Variants in FAM193A observed in about 807,000 individuals in gnomAD.
The protein encoded by FAM193A is family with sequence similarity 193 member A.
In FAM193A, 22 loss-of-function variants were observed where a neutral mutation model predicts 126.5. The ratio of observed to expected loss-of-function variants is 0.17; its 90% CI spans 0.12 to 0.25. The LOEUF (loss-of-function observed/expected upper bound fraction) is 0.25, where lower values mean the gene tolerates loss of function less well. Ranked by LOEUF, FAM193A falls within the 10% of genes least tolerant of loss-of-function variation. The pLI is 1.00. For synonymous variants in FAM193A, 761 were observed against 646.8 expected, an observed-to-expected ratio of 1.18 and a Z score of -2.68; for missense variants, 1,675 against 1,672.8, an observed-to-expected ratio of 1.00 and a Z score of -0.02.
At chr4:2,705,120 C>T (rs1237822028) in intron 19 of FAM193A, among the ~76,000 whole-genome samples, 1 of 152,148 alleles carries the variant, frequency 6.6e-6, no homozygotes, top group Admixed American at 6.6e-5. Flanking sequence ...CCGTGTTAGC[C>T]GGGATGGTCT....
At chr4:2,675,126 T>C (rs1714249575) in intron 13 of FAM193A, among the ~76,000 whole-genome samples, 1 of 152,228 alleles carries the variant, frequency 6.6e-6, no homozygotes, top group South Asian at 2.1e-4. Context: ...ATCTCTGGTT[T>C]TTTGAGTTTA....
chr4:2,721,157 C>G (rs1720097631), intron 20 of FAM193A, among the ~76,000 whole-genome samples: 1 of 151,486 alleles, frequency 6.6e-6, no homozygotes, highest in Non-Finnish European at 1.5e-5. Context: ...ACTAAAAATA[C>G]AAAAAATTAG....
chr4:2,683,527 C>T (rs1461538179), intron 13 of FAM193A, among the ~76,000 whole-genome samples: 1 of 152,208 alleles, frequency 6.6e-6, no homozygotes, highest in African/African-American at 2.4e-5. Context: ...CCCCTGACCT[C>T]AGGTGATCGC....
At chr4:2,677,909 C>T (rs1341144224) in intron 13 of FAM193A, among the ~76,000 whole-genome samples, 1 of 152,150 alleles carries the variant, frequency 6.6e-6, no homozygotes, top group African/African-American at 2.4e-5. Flanking sequence ...TACATTCTAA[C>T]AGTATTGTCT....
intron 5 of FAM193A, among the ~76,000 whole-genome samples, chr4:2,633,658 G>A (rs1743817795): frequency 6.6e-6 from 1 of 151,914 alleles, no homozygotes; most frequent in Non-Finnish European, 1.5e-5. Flanking sequence ...TTGGGAGGCC[G>A]AGGTGGTTGG....
At chr4:2,692,022 T>C (rs1340920148) in intron 15 of FAM193A, among the ~76,000 whole-genome samples, 1 of 152,168 alleles carries the variant, frequency 6.6e-6, no homozygotes, top group Non-Finnish European at 1.5e-5. Context: ...GTTTGGGGAA[T>C]GGAGTATTTC....
chr4:2,590,463 C>CAA lies in FAM193A; in HGVS notation c.256-5610_256-5609dup, dbSNP rs774897240. ...CTGGTGACAGAGCGAGACTCCATCT[C>CAA]AAAAAAAAAAAACAAAAAAAAACAA... On this transcript the variant is annotated intron_variant, in intron 1 of 20. Coordinates refer to ENST00000637812, the MANE Select transcript of FAM193A (RefSeq NM_001366318.2). 2.1e-3 allele frequency among the ~76,000 whole-genome samples: 29 copies of CAA among 13,558 alleles called. 1 individual carries two copies. The highest frequency in any genetic ancestry group is 9.1e-3 in the African/African-American group (22 of 2,416). 8.9% of individuals were successfully genotyped at this position (13,558 alleles called of 152,430 possible).
chr4:2,675,674 A>T (rs1714316537), intron 13 of FAM193A, among the ~76,000 whole-genome samples: 1 of 152,148 alleles, frequency 6.6e-6, no homozygotes, highest in Non-Finnish European at 1.5e-5. Context: ...TACAATCTTA[A>T]CCATTTTTAA....
At chr4:2,576,998 A>AT (rs1408932227) in intron 1 of FAM193A, among the ~76,000 whole-genome samples, 11 of 152,080 alleles carry the variant, frequency 7.2e-5, no homozygotes, top group African/African-American at 1.4e-4. Flanking sequence ...GTTTTTTGAG[A>AT]TTTTCATTTG....
intron 3 of FAM193A, 45 bp downstream of exon 3, chr4:2,625,440 C>T (rs1742853064): frequency 1.5e-6 from 1 of 669,992 alleles, no homozygotes; most frequent in Admixed American, 2.1e-5. Context: ...TCCACAATGA[C>T]ATGCAGACCT....
chr4:2,688,782 G>T (rs1297688013), intron 13 of FAM193A, among the ~76,000 whole-genome samples: 3 of 152,256 alleles, frequency 2.0e-5, no homozygotes, highest in Non-Finnish European at 4.4e-5. Context: ...CTCCTAAGGA[G>T]GTCAGCAGCC....
At chr4:2,597,041 T>C (rs1406907430) in intron 2 of FAM193A, among the ~76,000 whole-genome samples, 2 of 152,190 alleles carry the variant, frequency 1.3e-5, no homozygotes, top group Non-Finnish European at 2.9e-5. Flanking sequence ...CAGAACTGCC[T>C]TGGGGGAGTC....
intron 1 of FAM193A, among the ~76,000 whole-genome samples, chr4:2,582,257 G>C (rs987738643): frequency 4.0e-5 from 6 of 151,774 alleles, no homozygotes; most frequent in Admixed American, 3.9e-4. Context: ...AGGCTCAAGT[G>C]TTCTCCACCT....
chr4:2,687,396 A>G (rs1715866378), intron 13 of FAM193A, among the ~76,000 whole-genome samples: 2 of 152,204 alleles, frequency 1.3e-5, no homozygotes, highest in Non-Finnish European at 1.5e-5. Flanking sequence ...TTTCCAGATT[A>G]CAGATGAGAA....
chr4:2,640,057 A>G (rs1744462757), intron 6 of FAM193A, among the ~76,000 whole-genome samples, 198 bp downstream of exon 6: 1 of 152,234 alleles, frequency 6.6e-6, no homozygotes, highest in South Asian at 2.1e-4. Flanking sequence ...TGATAAGTCA[A>G]TATAAATGCT....
intron 8 of FAM193A, 76 bp downstream of exon 8, chr4:2,657,956 G>T (rs1279976993): frequency 2.1e-5 from 21 of 1,017,214 alleles, no homozygotes; most frequent in Non-Finnish European, 3.2e-5. Context: ...TCTGCATGTT[G>T]ATGTGCTTTG....
chr4:2,607,825 TGG>T, intron 2 of FAM193A: 1 of 573,358 alleles, frequency 1.7e-6, no homozygotes, highest in Non-Finnish European at 3.0e-6. Flanking sequence ...TATTGACTTG[TGG>T]GATTTCTTTA....
At chr4:2,573,459 G>T (rs1432527819) in intron 1 of FAM193A, among the ~76,000 whole-genome samples, 1 of 151,276 alleles carries the variant, frequency 6.6e-6, no homozygotes, top group Non-Finnish European at 1.5e-5. Flanking sequence ...GTTGCAGTGA[G>T]CTGAGATCGT....
intron 1 of FAM193A, among the ~76,000 whole-genome samples, chr4:2,561,002 T>C (rs1432256590): frequency 6.6e-6 from 1 of 152,192 alleles, no homozygotes; most frequent in South Asian, 2.1e-4. Flanking sequence ...TCTAGAACTT[T>C]CTTTGCCTTC....
Sources: allele counts gnomAD v4.1 joint callset (sites outside exome capture counted in the v4.1 genomes callset), GRCh38; gene constraint gnomAD v4.1.1; transcripts MANE v1.5; gene names NCBI Gene and HGNC (gene_info 2026-07-23, HGNC 2026-07-21).